Variants in ZNF675 observed in about 807,000 individuals in gnomAD.
ZNF675 encodes zinc finger protein 675.
ZNF675 carries 36 observed loss-of-function variants against 56.1 expected under a neutral mutation model. That is an observed-to-expected ratio of 0.64 (90% CI 0.49 to 0.85). ZNF675 has a LOEUF of 0.85. Among genes scored for constraint, ZNF675 ranks in the 40% least tolerant of loss-of-function variants. ZNF675 has a pLI of 0.00. For synonymous variants in ZNF675, 200 were observed against 218.9 expected (o/e 0.91, Z 0.76); for missense variants, 663 against 654.2 (o/e 1.01, Z -0.15).
chr19:23,678,155 G>A (rs1462793596), intron 1 of ZNF675, among the ~76,000 whole-genome samples: 2 of 151,508 alleles, frequency 1.3e-5, no homozygotes, highest in African/African-American at 2.4e-5. Flanking sequence ...GCAAACAAAT[G>A]GAAAATCATT....
chr19:23,653,192 T>C lies in ZNF675; in HGVS notation c.*34A>G, dbSNP rs766524760. The stretch of plus-strand genomic sequence containing the variant: ...TTTCACCAGTATGATTTCCTTTATA[T>C]TTAGAAAAATTTGAGGTGTTGTCAA... On this transcript the variant is annotated 3_prime_UTR_variant, in exon 4 of 4. Transcript: ENST00000359788. The C allele has an allele frequency of 1.3e-6, 2 of 1,528,208 alleles. No homozygotes were observed. The highest frequency in any genetic ancestry group is 2.2e-5 in the Admixed American group (1 of 45,896). 94.7% of individuals were successfully genotyped at this position (1,528,208 alleles called of 1,614,324 possible).
intron 1 of ZNF675, among the ~76,000 whole-genome samples, chr19:23,674,407 C>T (rs10854074): frequency 0.97 from 146,810 of 151,256 alleles, 71,544 homozygotes; most frequent in East Asian, 1. Context: ...CTTTGGGAGG[C>T]TGAGGCAGGC....
At chr19:23,663,724 A>T (rs1317103064) in intron 1 of ZNF675, among the ~76,000 whole-genome samples, 1 of 152,236 alleles carries the variant, frequency 6.6e-6, no homozygotes, top group Non-Finnish European at 1.5e-5. Flanking sequence ...TCTCAAAAAA[A>T]TACATAATTA....
At position 23,654,597 on chromosome 19, in the gene ZNF675, CTGAAAAT is replaced by C; in HGVS notation, c.329_335del (p.Asn110SerfsTer2). ...CATCCACACTTTTACAGCCTTTTAA[CTGAAAAT>C]TATCATTTCCACATTTTTCATATCT... On this transcript the variant is annotated frameshift_variant, in exon 4 of 4. Coordinates refer to ENST00000359788, the MANE Select transcript of ZNF675 (RefSeq NM_138330.3). LOFTEE classifies it high-confidence loss of function. 1.2e-6 allele frequency: 2 copies of C among 1,611,656 alleles called. No individual in the cohort carries two copies. The highest frequency in any genetic ancestry group is 1.7e-6 in the Non-Finnish European group (2 of 1,178,860).
At chr19:23,666,799 T>G (rs1184880846) in intron 1 of ZNF675, among the ~76,000 whole-genome samples, 2 of 146,522 alleles carry the variant, frequency 1.4e-5, no homozygotes, top group African/African-American at 5.0e-5. Flanking sequence ...TCTTTCTCTC[T>G]CTCTCCTCCC....
intron 1 of ZNF675, among the ~76,000 whole-genome samples, chr19:23,668,625 C>T (rs1968187224): frequency 6.6e-6 from 1 of 152,228 alleles, no homozygotes; most frequent in Non-Finnish European, 1.5e-5. Flanking sequence ...CCCACGGAGG[C>T]GAGGGAAGAC....
Position 23,653,084 on chromosome 19 carries a change from T to G in ZNF675, c.*142A>C, listed in dbSNP as rs1599405621. ...TGCCAAATTCTTCACACTTGTAGTT[T>G]TCTCCAGTATGAATTATCTTACATA... is the stretch of plus-strand genomic sequence containing the variant. On this transcript the variant is annotated 3_prime_UTR_variant, in exon 4 of 4. Transcript: ENST00000359788. The G allele has an allele frequency of 1.3e-6, 1 of 789,594 alleles. No homozygotes were observed. 48.9% of individuals were successfully genotyped at this position (789,594 alleles called of 1,614,324 possible). A position where few individuals can be genotyped will look rare whatever the true frequency, so the allele number is the denominator to read the frequency against.
At position 23,679,939 on chromosome 19, in the gene ZNF675, G is replaced by A. The variant is rs548126623; in HGVS notation, c.3+7092C>T. 8.2e-4 allele frequency among the ~76,000 whole-genome samples: 124 copies of A among 151,194 alleles called. 3 individuals carry two copies. Among genetic ancestry groups the A allele is most frequent in the Middle Eastern group, 3.4e-3 (1 of 294 alleles). ...AGGGAGGCAGAGGTTGTGGTGAGCC[G>A]AGATTGCACCACTGCACTCCAGCCT... On this transcript the variant is annotated intron_variant, in intron 1 of 3. Transcript: ENST00000359788.
At chr19:23,670,292 T>G (rs976385120) in intron 1 of ZNF675, among the ~76,000 whole-genome samples, 2 of 152,168 alleles carry the variant, frequency 1.3e-5, no homozygotes, top group African/African-American at 4.8e-5. Context: ...TTCAGAACAC[T>G]GGGCAGTCAA....
In ZNF675 at chr19:23,654,714, A is replaced by C; in HGVS notation, c.227-8T>G. ...CAAAATGAGAACACATTACTGAAAG[A>C]AATAAAAATAACACATTACTTTACA... On this transcript the variant is annotated splice_region_variant and splice_polypyrimidine_tract_variant and intron_variant, in intron 3 of 3. Transcript: ENST00000359788. 1 of 1,506,644 alleles carries C rather than the reference A, an allele frequency of 6.6e-7. No homozygotes were observed. The highest frequency in any genetic ancestry group is 8.9e-7 in the Non-Finnish European group (1 of 1,129,220). The allele number at this position is 1,506,644 out of a possible 1,614,324, so 93.3% of individuals were successfully genotyped here. A position where few individuals can be genotyped will look rare whatever the true frequency, so the allele number is the denominator to read the frequency against.
chr19:23,662,318 C>G (rs1968089755), intron 2 of ZNF675, 109 bp from the exon 3 acceptor site: 1 of 717,284 alleles, frequency 1.4e-6, no homozygotes, highest in African/African-American at 1.8e-5. Context: ...GTAAATTAAT[C>G]CCAAAATACT....
At chr19:23,665,132 G>C (rs947660678) in intron 1 of ZNF675, among the ~76,000 whole-genome samples, 3 of 151,878 alleles carry the variant, frequency 2.0e-5, no homozygotes, top group Admixed American at 6.6e-5. Flanking sequence ...ATCACTTGAG[G>C]TCAGGAGTTC....
chr19:23,681,115 T>C (rs1201509124), intron 1 of ZNF675, among the ~76,000 whole-genome samples: 2 of 151,800 alleles, frequency 1.3e-5, no homozygotes, highest in Non-Finnish European at 2.9e-5. Flanking sequence ...TTTGTGCCCA[T>C]GAAGGCAGAA....
At position 23,654,080 on chromosome 19, in the gene ZNF675, T is replaced by G; in HGVS notation, c.853A>C (p.Lys285Gln). Residue 285 changes from lysine to glutamine, a missense_variant, in exon 4 of 4, where the codon AAA (lysine) becomes CAA (glutamine). Transcript: ENST00000359788. ...AAGGCTTTGCCACATTCTTCACATT[T>G]GTAGGGTTTCTCTCCTGTATGAATT... is the stretch of plus-strand genomic sequence containing the variant. Reference protein sequence around the residue: ...KIIHTGEKPYKCEECGKAFNQ... With the variant: ...KIIHTGEKPYQCEECGKAFNQ... 1 of 1,613,894 alleles carries G rather than the reference T, an allele frequency of 6.2e-7. No homozygotes were observed. Among genetic ancestry groups the G allele is most frequent in the East Asian group, 2.2e-5 (1 of 44,862 alleles).
intron 3 of ZNF675, among the ~76,000 whole-genome samples, chr19:23,661,156 G>C (rs1968071638): frequency 6.6e-6 from 1 of 151,832 alleles, no homozygotes; most frequent in African/African-American, 2.4e-5. Flanking sequence ...CCAAACTGCT[G>C]AATCAAAAGA....
chr19:23,672,092 C>A (rs1968233442), intron 1 of ZNF675, among the ~76,000 whole-genome samples: 1 of 151,792 alleles, frequency 6.6e-6, no homozygotes, highest in Non-Finnish European at 1.5e-5. Flanking sequence ...GGATGAGAGA[C>A]TCAGGCTAAA....
At chr19:23,679,925 G>A (rs1968353547) in intron 1 of ZNF675, among the ~76,000 whole-genome samples, 1 of 151,394 alleles carries the variant, frequency 6.6e-6, no homozygotes, top group Admixed American at 6.6e-5. Context: ...GGGAGGCAGA[G>A]GTTGTGGTGA....
chr19:23,659,111 G>T (rs907779985), intron 3 of ZNF675, among the ~76,000 whole-genome samples: 4 of 151,550 alleles, frequency 2.6e-5, no homozygotes, highest in African/African-American at 7.3e-5. Context: ...GATACAGGCT[G>T]GACAAAATGG....
chr19:23,679,341 A>C (rs867856640), intron 1 of ZNF675, among the ~76,000 whole-genome samples: 2 of 151,694 alleles, frequency 1.3e-5, no homozygotes, highest in African/African-American at 4.9e-5. Context: ...CACTATGTAC[A>C]AGGCTAACCC....
Sources: allele counts gnomAD v4.1 joint callset (sites outside exome capture counted in the v4.1 genomes callset), GRCh38; gene constraint gnomAD v4.1.1; transcripts MANE v1.5; gene names NCBI Gene and HGNC (gene_info 2026-07-23, HGNC 2026-07-21).